Variants in SLC6A11 observed in about 807,000 individuals in gnomAD.
SLC6A11 encodes solute carrier family 6 member 11.
SLC6A11 carries 25 observed loss-of-function variants against 74.8 expected under a neutral mutation model. The observed-to-expected ratio is 0.33, with a 90% CI of 0.24 to 0.47. The LOEUF is 0.47. Ranked by LOEUF, SLC6A11 falls within the 20% of genes least tolerant of loss-of-function variation. SLC6A11 has a pLI of 1.00. For missense variants in SLC6A11, 574 were observed against 837.0 expected (o/e 0.69, Z 3.88); for synonymous variants, 330 against 330.2 (o/e 1.00, Z 0.01).
chr3:10,830,310 C>T (rs1464091448), intron 4 of SLC6A11, among the ~76,000 whole-genome samples: 1 of 152,108 alleles, frequency 6.6e-6, no homozygotes, highest in Non-Finnish European at 1.5e-5. Flanking sequence ...TGTGTTGCAG[C>T]TTATAGATTT....
At chr3:10,827,496 C>G (rs566232200) in intron 4 of SLC6A11, among the ~76,000 whole-genome samples, 1 of 152,318 alleles carries the variant, frequency 6.6e-6, no homozygotes, top group South Asian at 2.1e-4. Flanking sequence ...TCCTTCACCT[C>G]TCTTTGTTGT....
chr3:10,901,657 G>A (rs562607682), intron 6 of SLC6A11, among the ~76,000 whole-genome samples: 35 of 152,294 alleles, frequency 2.3e-4, no homozygotes, highest in East Asian at 7.7e-4. Context: ...CTCCAAAGTC[G>A]TCTCCACCAA....
At chr3:10,837,075 C>G (rs184163030) in intron 4 of SLC6A11, among the ~76,000 whole-genome samples, 6 of 152,196 alleles carry the variant, frequency 3.9e-5, no homozygotes, top group Admixed American at 2.6e-4. Context: ...GCCTGGGTGG[C>G]AGGAGGGGCT....
intron 5 of SLC6A11, among the ~76,000 whole-genome samples, chr3:10,855,361 T>G (rs554578388): frequency 6.6e-6 from 1 of 152,314 alleles, no homozygotes; most frequent in South Asian, 2.1e-4. Flanking sequence ...TAGAATACTG[T>G]ACAGACCCAG....
chr3:10,886,141 T>C (rs1695039704), intron 6 of SLC6A11, among the ~76,000 whole-genome samples: 1 of 152,222 alleles, frequency 6.6e-6, no homozygotes, highest in East Asian at 1.9e-4. Flanking sequence ...CCCTGCACAT[T>C]GTCTACTACC....
intron 5 of SLC6A11, among the ~76,000 whole-genome samples, chr3:10,873,603 T>A (rs988961649): frequency 1.9e-4 from 26 of 138,796 alleles, no homozygotes; most frequent in African/African-American, 7.3e-4. Flanking sequence ...TCCTATCCTA[T>A]CCTATGCCAT....
chr3:10,902,633 G>T (rs547810389), intron 6 of SLC6A11, among the ~76,000 whole-genome samples: 2 of 152,222 alleles, frequency 1.3e-5, no homozygotes, highest in Non-Finnish European at 2.9e-5. Context: ...AGCAGTAAGC[G>T]AAAGAGCAGA....
At chr3:10,909,947 T>C (rs1268166981) in intron 6 of SLC6A11, among the ~76,000 whole-genome samples, 1 of 152,202 alleles carries the variant, frequency 6.6e-6, no homozygotes, top group Non-Finnish European at 1.5e-5. Context: ...CCAAATTGTA[T>C]TTACCCTTTT....
At position 10,935,109 on chromosome 3, in the gene SLC6A11, C is replaced by A. The variant is rs752980967; in HGVS notation, c.1656C>A (p.Gly552=). ...ACACCTACCCAGCCTGGGGCTATGG[C>A]ATTGGCTGGCTCATGGCCCTGTCCT... ...NIYTYPAWGY[G]IGWLMALSSM... Residue 552 remains glycine (G), a synonymous_variant, in exon 13 of 14, where the codon GGC becomes GGA. Coordinates refer to ENST00000254488, the MANE Select transcript of SLC6A11 (RefSeq NM_014229.3). 1 of 1,613,898 alleles carries A rather than the reference C, an allele frequency of 6.2e-7. No individual in the cohort carries two copies. The highest frequency in any genetic ancestry group is 1.3e-5 in the African/African-American group (1 of 74,944).
chr3:10,829,173 G>A (rs1483480081), intron 4 of SLC6A11, among the ~76,000 whole-genome samples: 1 of 152,142 alleles, frequency 6.6e-6, no homozygotes, highest in African/African-American at 2.4e-5. Context: ...TTTGCAATTG[G>A]TTCTCCCATA....
intron 13 of SLC6A11, among the ~76,000 whole-genome samples, chr3:10,937,800 A>G (rs1329347888): frequency 3.3e-5 from 5 of 152,134 alleles, no homozygotes; most frequent in African/African-American, 1.2e-4. Context: ...ACATGATGGC[A>G]CCCCTTCCAA....
At chr3:10,931,066 A>G (rs1695679415) in intron 10 of SLC6A11, among the ~76,000 whole-genome samples, 1 of 152,214 alleles carries the variant, frequency 6.6e-6, no homozygotes. Context: ...TAAGAAAAAT[A>G]GGCCACAAAC....
intron 6 of SLC6A11, among the ~76,000 whole-genome samples, chr3:10,888,159 G>A (rs540986438): frequency 3.9e-5 from 6 of 152,302 alleles, no homozygotes; most frequent in East Asian, 3.9e-4. Context: ...GACGTTAGGC[G>A]GAAGGCTCAC....
intron 7 of SLC6A11, among the ~76,000 whole-genome samples, chr3:10,912,685 AG>A (rs1695403016): frequency 6.6e-6 from 1 of 152,172 alleles, no homozygotes; most frequent in Non-Finnish European, 1.5e-5. Context: ...CAGGGCTGGG[AG>A]GGGGTTCAGG....
intron 6 of SLC6A11, among the ~76,000 whole-genome samples, chr3:10,891,421 C>A (rs1695106282): frequency 6.6e-6 from 1 of 152,208 alleles, no homozygotes; most frequent in Admixed American, 6.5e-5. Context: ...TACCCTTATT[C>A]ATGCTTAATT....
chr3:10,821,366 A>G (rs1228222028), intron 3 of SLC6A11, among the ~76,000 whole-genome samples: 3 of 152,238 alleles, frequency 2.0e-5, no homozygotes, highest in African/African-American at 7.2e-5. Flanking sequence ...GATGATGGCC[A>G]AGGGAAAAAG....
intron 8 of SLC6A11, among the ~76,000 whole-genome samples, chr3:10,922,352 A>T (rs1695547814): frequency 6.6e-6 from 1 of 152,212 alleles, no homozygotes; most frequent in South Asian, 2.1e-4. Flanking sequence ...ACAAGATTTG[A>T]CACCCATTTA....
Position 10,842,645 on chromosome 3 carries a change from G to A in SLC6A11, c.624-1569G>A, listed in dbSNP as rs147159829. Among the ~76,000 whole-genome samples, 7 of 152,200 alleles carry A rather than the reference G, an allele frequency of 4.6e-5. No homozygotes were observed. In the East Asian group the frequency reaches 1.4e-3, roughly 29 times the overall value. ...CCTTTTTTTGGTCCACCTTATCCTAGTAGAGAGCAAGGGCCATATGATGCT... is the reference window on the plus strand; with the variant it reads ...CCTTTTTTTGGTCCACCTTATCCTAATAGAGAGCAAGGGCCATATGATGCT... On this transcript the variant is annotated intron_variant, in intron 4 of 13. Transcript: ENST00000254488.
chr3:10,859,355 G>A (rs541148269), intron 5 of SLC6A11, among the ~76,000 whole-genome samples: 31 of 152,304 alleles, frequency 2.0e-4, no homozygotes, highest in Admixed American at 9.8e-4. Context: ...GCTGGTAGGC[G>A]AAATGGAGAA....
Sources: gnomAD v4.1 joint callset for allele counts (sites outside exome capture counted in the v4.1 genomes callset) on GRCh38, gnomAD v4.1.1 for gene constraint, MANE v1.5 for transcripts, NCBI Gene and HGNC (gene_info 2026-07-23, HGNC 2026-07-21) for gene names.